The following CNTN5 variants were observed in gnomAD, a reference collection of about 807,000 sequenced individuals.
CNTN5 encodes contactin 5.
Under a neutral mutation model 129.1 loss-of-function variants are expected in CNTN5, and 77 were observed. The ratio of observed to expected loss-of-function variants is 0.60; its 90% CI spans 0.50 to 0.72. The LOEUF is 0.72. Among genes scored for constraint, CNTN5 ranks in the 30% least tolerant of loss-of-function variants. The pLI is 0.00. For synonymous variants in CNTN5, 509 were observed against 465.6 expected, an observed-to-expected ratio of 1.09 and a Z score of -1.20; for missense variants, 1,478 against 1,328.8, an observed-to-expected ratio of 1.11 and a Z score of -1.75.
At chr11:100,232,957 T>C (rs1233033237) in intron 16 of CNTN5, among the ~76,000 whole-genome samples, 3 of 152,108 alleles carry the variant, frequency 2.0e-5, no homozygotes, top group African/African-American at 7.2e-5. Context: ...ATAAAAACAA[T>C]ATGAAAAACG....
chr11:99,348,318 G>A lies in CNTN5; in HGVS notation c.-71+22834G>A, dbSNP rs113704318. ...TGTGCCACTTCACCCCAGCCTGGGC[G>A]ACAGAGCGAGACTCCGTCCCCCCCA... is the stretch of plus-strand genomic sequence containing the variant. On this transcript the variant is annotated intron_variant, in intron 2 of 24. Transcript: ENST00000524871. 4.6e-3 allele frequency among the ~76,000 whole-genome samples: 698 copies of A among 152,266 alleles called. 3 individuals carry two copies. The highest frequency in any genetic ancestry group is 0.016 in the African/African-American group (663 of 41,560).
At chr11:100,267,732 A>C (rs576289031) in intron 17 of CNTN5, among the ~76,000 whole-genome samples, 7 of 152,250 alleles carry the variant, frequency 4.6e-5, no homozygotes, top group Admixed American at 3.9e-4. Flanking sequence ...ATCATACAGT[A>C]CTTGGGTTTT....
At chr11:99,149,532 C>A (rs1859945639) in intron 1 of CNTN5, among the ~76,000 whole-genome samples, 1 of 152,022 alleles carries the variant, frequency 6.6e-6, no homozygotes. Flanking sequence ...TATACCACAA[C>A]TGTCATACGT....
chr11:100,093,577 G>A (rs1423182563), intron 13 of CNTN5, among the ~76,000 whole-genome samples: 1 of 151,980 alleles, frequency 6.6e-6, no homozygotes. Context: ...CAAGTTGCAA[G>A]TTTTCAGGTG....
chr11:100,122,275 C>G (rs1946050212), intron 13 of CNTN5, among the ~76,000 whole-genome samples: 1 of 151,870 alleles, frequency 6.6e-6, no homozygotes, highest in African/African-American at 2.4e-5. Context: ...AATCTGATGT[C>G]CAAGGACAGG....
At chr11:99,770,314 T>C (rs924027434) in intron 3 of CNTN5, among the ~76,000 whole-genome samples, 2 of 152,092 alleles carry the variant, frequency 1.3e-5, no homozygotes, top group African/African-American at 2.4e-5. Flanking sequence ...AGAAGTCTCA[T>C]TCTTATATCT....
At chr11:99,052,119 T>G (rs1864449629) in intron 1 of CNTN5, among the ~76,000 whole-genome samples, 1 of 151,904 alleles carries the variant, frequency 6.6e-6, no homozygotes, top group Non-Finnish European at 1.5e-5. Context: ...TGTATGATAT[T>G]GACTGGGAGA....
At chr11:99,084,963 T>C (rs1346600610) in intron 1 of CNTN5, among the ~76,000 whole-genome samples, 1 of 152,214 alleles carries the variant, frequency 6.6e-6, no homozygotes, top group East Asian at 1.9e-4. Flanking sequence ...AGGATTATAA[T>C]TGTGGCAAAG....
At chr11:99,203,533 T>C (rs952745295) in intron 1 of CNTN5, among the ~76,000 whole-genome samples, 4 of 152,148 alleles carry the variant, frequency 2.6e-5, no homozygotes, top group African/African-American at 9.7e-5. Flanking sequence ...AAAGATCTCA[T>C]TATAAAGGCA....
intron 3 of CNTN5, among the ~76,000 whole-genome samples, chr11:99,685,824 A>G (rs560533395): frequency 2.6e-5 from 4 of 152,160 alleles, no homozygotes; most frequent in Non-Finnish European, 4.4e-5. Flanking sequence ...GATTCAAATC[A>G]TCTACATTTT....
chr11:100,330,715 C>G (rs763357010), intron 21 of CNTN5, among the ~76,000 whole-genome samples: 2 of 151,494 alleles, frequency 1.3e-5, no homozygotes, highest in Non-Finnish European at 2.9e-5. Flanking sequence ...AATTTCATAT[C>G]CAGTGAAACT....
chr11:100,242,408 G>A (rs1377278658), intron 16 of CNTN5, among the ~76,000 whole-genome samples: 1 of 152,026 alleles, frequency 6.6e-6, no homozygotes, highest in African/African-American at 2.4e-5. Context: ...AAAGTCATAA[G>A]CAGTCACCTT....
At chr11:100,322,072 T>C (rs538619887) in intron 21 of CNTN5, among the ~76,000 whole-genome samples, 1 of 152,294 alleles carries the variant, frequency 6.6e-6, no homozygotes, top group East Asian at 1.9e-4. Flanking sequence ...CCGACAGTAT[T>C]CCCTTCTCTT....
intron 6 of CNTN5, among the ~76,000 whole-genome samples, chr11:99,876,601 T>C (rs1401665499): frequency 6.6e-6 from 1 of 152,170 alleles, no homozygotes; most frequent in Non-Finnish European, 1.5e-5. Flanking sequence ...AGTTTCTTGG[T>C]CGAGTTATCA....
intron 8 of CNTN5, among the ~76,000 whole-genome samples, chr11:99,981,423 T>C (rs6590473): frequency 0.3 from 44,981 of 151,864 alleles, 7,084 homozygotes; most frequent in African/African-American, 0.39. Context: ...CACATGCCTT[T>C]CCTCTGTTAT....
intron 1 of CNTN5, among the ~76,000 whole-genome samples, chr11:99,074,034 ATC>A (rs1865457666): frequency 6.6e-6 from 1 of 152,122 alleles, no homozygotes; most frequent in Non-Finnish European, 1.5e-5. Flanking sequence ...CCTCATCAAC[ATC>A]TGTTTGTTTC....
intron 6 of CNTN5, among the ~76,000 whole-genome samples, chr11:99,877,355 T>G (rs559281119): frequency 6.6e-4 from 100 of 152,274 alleles, no homozygotes; most frequent in Non-Finnish European, 1.2e-3. Context: ...TCAAAGACAT[T>G]GGAAATTTTG....
chr11:100,031,338 C>T (rs1334072489), intron 9 of CNTN5, among the ~76,000 whole-genome samples: 2 of 152,122 alleles, frequency 1.3e-5, no homozygotes, highest in Non-Finnish European at 2.9e-5. Flanking sequence ...ATGTGCTTCC[C>T]CCTGCAGAGA....
chr11:99,640,187 CTG>C (rs1320873801), intron 3 of CNTN5, among the ~76,000 whole-genome samples: 1 of 152,178 alleles, frequency 6.6e-6, no homozygotes, highest in Non-Finnish European at 1.5e-5. Context: ...CCAGTTCTGC[CTG>C]TCACCCATTT....
Sources: gnomAD v4.1 joint callset for allele counts (sites outside exome capture counted in the v4.1 genomes callset) on GRCh38, gnomAD v4.1.1 for gene constraint, MANE v1.5 for transcripts, NCBI Gene and HGNC (gene_info 2026-07-23, HGNC 2026-07-21) for gene names.